SPPL2B: variants seen among roughly 807,000 people sequenced by gnomAD.
The protein encoded by SPPL2B is signal peptide peptidase like 2B.
SPPL2B carries 39 observed loss-of-function variants against 59.7 expected under a neutral mutation model. That is an observed-to-expected ratio of 0.65 (90% CI 0.51 to 0.85). SPPL2B has a LOEUF of 0.85. SPPL2B is among the 40% of genes least tolerant of loss of function. The probability of loss-of-function intolerance (pLI) is 0.00; values close to 1 mark genes in which losing one functional copy is unlikely to be tolerated. For missense variants in SPPL2B, 865 were observed against 849.0 expected, an observed-to-expected ratio of 1.02 and a Z score of -0.23; for synonymous variants, 419 against 370.8, an observed-to-expected ratio of 1.13 and a Z score of -1.49.
intron 2 of SPPL2B, among the ~76,000 whole-genome samples, chr19:2,336,460 T>C (rs2145150472): frequency 6.6e-6 from 1 of 152,050 alleles, no homozygotes; most frequent in South Asian, 2.1e-4. Context: ...TGTGTTTGGG[T>C]TCGTGTGTGT....
intron 8 of SPPL2B, chr19:2,342,222 T>TG (rs1259018793): frequency 1.3e-5 from 2 of 152,722 alleles, no homozygotes; most frequent in African/African-American, 4.8e-5. Flanking sequence ...GAGCCGAAGT[T>TG]GCGGCTGGCT....
At chr19:2,348,212 C>T (rs1969600170) in intron 13 of SPPL2B, among the ~76,000 whole-genome samples, 1 of 128,068 alleles carries the variant, frequency 7.8e-6, no homozygotes. Context: ...TCTCTCCACA[C>T]ACACACACTC....
chr19:2,344,393 C>T lies in SPPL2B; in HGVS notation c.1145C>T (p.Thr382Ile). 1.3e-6 allele frequency: 2 copies of T among 1,566,716 alleles called. No individual in the cohort carries two copies. Among genetic ancestry groups the T allele is most frequent in the Non-Finnish European group, 1.7e-6 (2 of 1,156,954 alleles). The change falls in exon 11 of 15, where the codon ACT becomes ATT. Residue 382 changes from threonine to isoleucine, a missense_variant. By Grantham distance (89) the Thr-to-Ile change is moderately conservative. Transcript: ENST00000613503. Reference protein sequence around the residue: ...SGSSIMVEVATGPSDSATREK... With the variant: ...SGSSIMVEVAIGPSDSATREK... ...AGCAGCATCATGGTGGAGGTGGCCA[C>T]TGGGCCCTCGGACTCAGCCACCCGT...
intron 3 of SPPL2B, chr19:2,337,888 T>C: frequency 2.2e-6 from 1 of 449,910 alleles, no homozygotes; most frequent in Non-Finnish European, 4.0e-6. Flanking sequence ...GTGCCTGTCC[T>C]AGAGCAGCCC....
In SPPL2B at chr19:2,353,090, C is replaced by G. The variant is rs376570710; in HGVS notation, c.1660C>G (p.Arg554Gly). ...GCCTGCTGAGCAGTCCCCAAAATCA[C>G]GCACGTCCGAGGAGATGGGGGCTGG... Reference protein sequence around the residue: ...PWPAEQSPKSRTSEEMGAGAP... With the variant: ...PWPAEQSPKSGTSEEMGAGAP... The change falls in exon 15 of 15, where the codon CGC (arginine) becomes GGC (glycine). Residue 554 changes from arginine to glycine, a missense_variant. Coordinates refer to ENST00000613503, the MANE Select transcript of SPPL2B (RefSeq NM_152988.3). The G allele has an allele frequency of 2.5e-5, 40 of 1,611,370 alleles. No homozygotes were observed. The highest frequency in any genetic ancestry group is 3.4e-5 in the Non-Finnish European group (40 of 1,179,414).
Position 2,353,010 on chromosome 19 carries a change from C to G in SPPL2B, c.1580C>G (p.Ser527Cys). ...GACGGCCCGCAGCCTCCCAAAGACT[C>G]TGCCACGCCACTCTCCCCGCAGCCG... is the stretch of plus-strand genomic sequence containing the variant. ...PADGPQPPKD[S>C]ATPLSPQPPS... Residue 527 changes from serine (S) to cysteine (C), a missense_variant, in exon 15 of 15, where the codon TCT becomes TGT. By Grantham distance (112) the Ser-to-Cys change is moderately radical. Transcript: ENST00000613503. 6.2e-7 allele frequency: 1 copy of G among 1,612,234 alleles called. No individual in the cohort carries two copies.
chr19:2,349,857 G>A (rs1208843206), intron 13 of SPPL2B, among the ~76,000 whole-genome samples: 7 of 125,542 alleles, frequency 5.6e-5, no homozygotes, highest in African/African-American at 9.4e-5. Context: ...GCTCTCATTC[G>A]CTTGATTCCG....
rs756391302 is a variant in SPPL2B, at chr19:2,339,135, G to A, written c.526G>A (p.Val176Ile). 6.3e-7 allele frequency: 1 copy of A among 1,593,798 alleles called. No individual in the cohort carries two copies. The highest frequency in any genetic ancestry group is 1.1e-5 in the South Asian group (1 of 88,116). The change falls in exon 5 of 15, where the codon GTC becomes ATC. Residue 176 changes from valine to isoleucine, a missense_variant. By Grantham distance (29) the Val-to-Ile change is conservative (BLOSUM62 3). Coordinates refer to ENST00000613503, the MANE Select transcript of SPPL2B (RefSeq NM_152988.3). ...GGAGCCGGTGCTGGACTACAACATGGTCATCATCTTCATCATGGCTGTGGG... is the reference window on the plus strand; with the variant it reads ...GGAGCCGGTGCTGGACTACAACATGATCATCATCTTCATCATGGCTGTGGG... Reference protein sequence around the residue: ...PKEPVLDYNMVIIFIMAVGTV... With the variant: ...PKEPVLDYNMIIIFIMAVGTV...
At chr19:2,336,848 T>C (rs907960043) in intron 2 of SPPL2B, among the ~76,000 whole-genome samples, 2 of 149,478 alleles carry the variant, frequency 1.3e-5, no homozygotes, top group African/African-American at 5.0e-5. Context: ...TGTGTGTGTG[T>C]GCACTCCAGC....
At chr19:2,338,944 G>A in intron 4 of SPPL2B, 103 bp downstream of exon 4, 1 of 1,487,480 alleles carries the variant, frequency 6.7e-7, no homozygotes, top group South Asian at 1.2e-5. Flanking sequence ...GGATCAGGGT[G>A]GTGGGTGAGG....
rs944333120 is a variant in SPPL2B at position 2,328,787 on chromosome 19, A to C, written c.66+12A>C. 37 of 1,400,700 alleles carry C rather than the reference A, an allele frequency of 2.6e-5. No individual in the cohort carries two copies. The African/African-American group carries it at 4.7e-4, about 18-fold the overall frequency. The allele number at this position is 1,400,700 out of a possible 1,614,324, so 86.8% of individuals were successfully genotyped here. A position where few individuals can be genotyped will look rare whatever the true frequency, so the allele number is the denominator to read the frequency against. ...TCCTCGCGGCCCAGGTGAGCGCGGC[A>C]CCGGTCCCGACGGCACCGCGGGCTG... On this transcript the variant is annotated intron_variant, in intron 1 of 14. Transcript: ENST00000613503.
intron 13 of SPPL2B, among the ~76,000 whole-genome samples, chr19:2,346,079 T>A (rs1252497957): frequency 1.3e-5 from 2 of 152,288 alleles, no homozygotes; most frequent in African/African-American, 4.8e-5. Flanking sequence ...TGAACGTATT[T>A]ACGCAAAGTG....
chr19:2,341,551 T>C (rs1173513949), intron 8 of SPPL2B: 1 of 451,882 alleles, frequency 2.2e-6, no homozygotes, highest in Non-Finnish European at 4.5e-6. Context: ...GAGTGCCTGG[T>C]GCCGTGTTGG....
chr19:2,339,265 G>A lies in SPPL2B; in HGVS notation c.599+57G>A, dbSNP rs553714530. 1.6e-4 allele frequency: 248 copies of A among 1,555,668 alleles called. No homozygotes were observed. In the South Asian group the frequency reaches 1.8e-3, roughly 12 times the overall value. On this transcript the variant is annotated intron_variant, in intron 5 of 14. Coordinates refer to ENST00000613503, the MANE Select transcript of SPPL2B (RefSeq NM_152988.3). Reference sequence around the variant, plus strand: ...GGGTCGGGCGGCTCTGACACGGGCCGGGACGGCCAGTCTTCCAGAACAGCA... The same window carrying A: ...GGGTCGGGCGGCTCTGACACGGGCCAGGACGGCCAGTCTTCCAGAACAGCA...
In SPPL2B at chr19:2,343,352, G is replaced by C. The variant is rs898433181; in HGVS notation, c.1038+60G>C. Reference sequence around the variant, plus strand: ...TGGGTAGTGGGGGCCCTTCATCCTAGCCTGGCCCGTGTGGGGCTGTGGTCC... The same window carrying C: ...TGGGTAGTGGGGGCCCTTCATCCTACCCTGGCCCGTGTGGGGCTGTGGTCC... On this transcript the variant is annotated intron_variant, in intron 9 of 14. Coordinates refer to ENST00000613503, the MANE Select transcript of SPPL2B (RefSeq NM_152988.3). 4 of 1,394,686 alleles carry C rather than the reference G, an allele frequency of 2.9e-6. No homozygotes were observed. In the African/African-American group the frequency reaches 5.7e-5, roughly 20 times the overall value. The allele number at this position is 1,394,686 out of a possible 1,614,324, so 86.4% of individuals were successfully genotyped here.
At chr19:2,334,480 C>A in intron 1 of SPPL2B, 122 bp from the exon 2 acceptor site, 3 of 1,350,214 alleles carry the variant, frequency 2.2e-6, no homozygotes, top group Admixed American at 2.5e-5. Flanking sequence ...CATCCCAGAC[C>A]ACCTGGTGAA....
At chr19:2,338,360 C>G (rs1386237591) in intron 3 of SPPL2B, 1 of 166,790 alleles carries the variant, frequency 6.0e-6, no homozygotes, top group East Asian at 1.8e-4. Context: ...AGTGCCATCC[C>G]TGTCCGCACA....
In SPPL2B at chr19:2,340,971, G is replaced by A. The variant is rs1323266673; in HGVS notation, c.913G>A (p.Val305Met). The change falls in exon 8 of 15, where the codon GTG becomes ATG. Residue 305 changes from valine (V) to methionine (M), a missense_variant. By Grantham distance (21) the Val-to-Met change is conservative. Transcript: ENST00000613503. ...TATGCTGCTCCTGGCGCTCTTCTGC[G>A]TGGCCGTCAGCGTGGTGTGGGGCGT... ...ARMLLLALFCVAVSVVWGVFR... is the reference protein window; with the variant it reads ...ARMLLLALFCMAVSVVWGVFR... 5.0e-6 allele frequency: 8 copies of A among 1,604,826 alleles called. No homozygotes were observed. Among genetic ancestry groups the A allele is most frequent in the South Asian group, 3.3e-5 (3 of 91,078 alleles).
Position 2,344,559 on chromosome 19 carries a change from ATGG to A in SPPL2B, c.1185_1187del (p.Met395_Val396delinsIle). 6.2e-7 allele frequency: 1 copy of A among 1,612,232 alleles called. No homozygotes were observed. The highest frequency in any genetic ancestry group is 8.5e-7 in the Non-Finnish European group (1 of 1,178,962). On this transcript the variant is annotated inframe_deletion, in exon 12 of 15. Transcript: ENST00000613503. ...CCTCTTCCCGTCTTTGCAGCTGCCC[ATGG>A]TCCTGAAGGTGCCCAGGCTGAACTC...
Sources: gnomAD v4.1 joint callset for allele counts (sites outside exome capture counted in the v4.1 genomes callset) on GRCh38, gnomAD v4.1.1 for gene constraint, MANE v1.5 for transcripts, NCBI Gene and HGNC (gene_info 2026-07-23, HGNC 2026-07-21) for gene names.